The following FAM13A variants were observed in gnomAD, a reference collection of about 807,000 sequenced individuals.
FAM13A encodes the protein family with sequence similarity 13 member A.
A neutral mutation model predicts 129.6 loss-of-function variants in FAM13A; 76 were observed. The ratio of observed to expected loss-of-function variants is 0.59; its 90% confidence interval spans 0.49 to 0.71. The LOEUF is 0.71. Ranked by LOEUF, FAM13A falls within the 30% of genes least tolerant of loss-of-function variation. The pLI is 0.00. For synonymous variants in FAM13A, 443 were observed against 449.9 expected (o/e 0.98, Z 0.20); for missense variants, 1,108 against 1,249.3 (o/e 0.89, Z 1.70).
intron 14 of FAM13A, among the ~76,000 whole-genome samples, chr4:88,753,087 G>C (rs1025719007): frequency 6.6e-6 from 1 of 152,152 alleles, no homozygotes; most frequent in African/African-American, 2.4e-5. Context: ...AGTTTAAAAG[G>C]TGTTACCTTA....
At chr4:88,729,638 C>T (rs892735932) in intron 23 of FAM13A, 2 of 152,242 alleles carry the variant, frequency 1.3e-5, no homozygotes, top group African/African-American at 4.8e-5. Flanking sequence ...CCACTGCACT[C>T]TGAGGGGCTT....
At chr4:88,767,684 G>C in intron 12 of FAM13A, 89 bp from the exon 13 acceptor site, 1 of 1,006,286 alleles carries the variant, frequency 9.9e-7, no homozygotes, top group Non-Finnish European at 1.4e-6. Context: ...TTTAATTTAA[G>C]AGTATGTTGA....
chr4:88,961,242 T>A (rs1208954275), intron 4 of FAM13A, among the ~76,000 whole-genome samples: 1 of 148,060 alleles, frequency 6.8e-6, no homozygotes, highest in African/African-American at 2.5e-5. Flanking sequence ...CATTTAAAAA[T>A]AGAATAAGTT....
chr4:88,782,625 C>T (rs1172051614), intron 10 of FAM13A, among the ~76,000 whole-genome samples: 1 of 152,058 alleles, frequency 6.6e-6, no homozygotes, highest in East Asian at 1.9e-4. Flanking sequence ...CAAAGTTATA[C>T]TATCTTTGGT....
intron 2 of FAM13A, among the ~76,000 whole-genome samples, chr4:89,022,542 G>C (rs949269436): frequency 1.3e-5 from 2 of 152,188 alleles, no homozygotes; most frequent in African/African-American, 2.4e-5. Flanking sequence ...AAATGGAAGA[G>C]ATACCAGTTG....
rs1457614480 is a variant in FAM13A, at chr4:89,057,012, T to C, written c.-48A>G. The stretch of plus-strand genomic sequence containing the variant: ...AACTGAGGAAGACCAGACGAAAATA[T>C]TAAAACGACAGCAAAATACTAAAAT... On this transcript the variant is annotated 5_prime_UTR_variant, in exon 1 of 24. The change abolishes the stop of an existing upstream ORF in the 5' untranslated region. Transcript: ENST00000264344. 2 of 1,608,184 alleles carry C rather than the reference T, an allele frequency of 1.2e-6. No homozygotes were observed. Among genetic ancestry groups the C allele is most frequent in the Non-Finnish European group, 1.7e-6 (2 of 1,178,442 alleles).
intron 23 of FAM13A, chr4:88,730,028 CAG>C (rs1737312147): frequency 6.6e-6 from 1 of 152,122 alleles, no homozygotes; most frequent in African/African-American, 2.4e-5. Flanking sequence ...ATATCCAAAT[CAG>C]AGATCCTAAA....
chr4:88,765,307 G>A (rs938292227), intron 13 of FAM13A, among the ~76,000 whole-genome samples: 1 of 152,146 alleles, frequency 6.6e-6, no homozygotes, highest in Non-Finnish European at 1.5e-5. Context: ...TATCAATAAG[G>A]ATGAAGTCTG....
intron 4 of FAM13A, among the ~76,000 whole-genome samples, chr4:88,962,556 G>C (rs1247921536): frequency 6.6e-6 from 1 of 152,182 alleles, no homozygotes; most frequent in Admixed American, 6.5e-5. Context: ...AGAGTGGTGG[G>C]AGCAATGGGT....
intron 7 of FAM13A, among the ~76,000 whole-genome samples, chr4:88,812,230 T>C (rs1358051662): frequency 2.0e-5 from 3 of 152,188 alleles, no homozygotes; most frequent in Admixed American, 1.3e-4. Flanking sequence ...GACAATCTCT[T>C]ACCTCCATAT....
chr4:88,854,331 G>C (rs1366199628), intron 6 of FAM13A, among the ~76,000 whole-genome samples: 1 of 152,142 alleles, frequency 6.6e-6, no homozygotes. Flanking sequence ...TGCTAGTCAG[G>C]GACTCCAAAT....
At chr4:88,809,864 T>G (rs911808898) in intron 7 of FAM13A, among the ~76,000 whole-genome samples, 56 of 146,762 alleles carry the variant, frequency 3.8e-4, no homozygotes, top group Middle Eastern at 3.6e-3. Context: ...AAAGTCCCGG[T>G]GGGCTTTTTT....
intron 6 of FAM13A, among the ~76,000 whole-genome samples, chr4:88,862,993 G>T (rs895749837): frequency 9.2e-5 from 9 of 98,110 alleles, no homozygotes; most frequent in African/African-American, 3.5e-4. Flanking sequence ...GAAAAGATGG[G>T]TGTGACAAAT....
chr4:89,034,135 T>A (rs916525240), intron 1 of FAM13A, among the ~76,000 whole-genome samples: 3 of 151,980 alleles, frequency 2.0e-5, no homozygotes, highest in Admixed American at 6.6e-5. Context: ...ATCAACAGAG[T>A]AAACAGACAG....
At chr4:88,833,835 G>A (rs1273800704) in intron 7 of FAM13A, among the ~76,000 whole-genome samples, 1 of 152,004 alleles carries the variant, frequency 6.6e-6, no homozygotes, top group African/African-American at 2.4e-5. Context: ...GCAGTGAGCT[G>A]AGATCACGCC....
At position 88,938,102 on chromosome 4, in the gene FAM13A, G is replaced by C. The variant is rs1754133338; in HGVS notation, c.745C>G (p.Leu249Val). The C allele has an allele frequency of 2.5e-6, 4 of 1,612,912 alleles. No homozygotes were observed. In the South Asian group the frequency reaches 4.4e-5, roughly 18 times the overall value. Reference protein sequence around the residue: ...DHLRCENLARLIIVKEVYYKN... With the variant: ...DHLRCENLARVIIVKEVYYKN... ...AAGTTGCTTACTTTTACTATGATAA[G>C]CCTAGCCAGGTTTTCACATCTCAGA... Residue 249 changes from leucine to valine, a missense_variant, in exon 5 of 24, where the codon CTT (leucine) becomes GTT (valine). Around this residue, in one of 3 missense-constraint regions of FAM13A, gnomAD observed 566 missense variants for 595.7 expected, o/e 0.95. Coordinates refer to ENST00000264344, the MANE Select transcript of FAM13A (RefSeq NM_014883.4).
rs750834919 is a variant in FAM13A at position 89,020,497 on chromosome 4, G to A, written c.390C>T (p.Thr130=). The change falls in exon 3 of 24, where the codon ACC becomes ACT. Residue 130 remains threonine (T), a synonymous_variant. Coordinates refer to ENST00000264344, the MANE Select transcript of FAM13A (RefSeq NM_014883.4). ...GAATGAATCGAGGCTGCAACGCTGA[G>A]GTGATCAGACTGTCAGGCAGCTCCC... ...FLRELPDSLI[T]SALQPRFIQL... 1.3e-5 allele frequency: 21 copies of A among 1,613,830 alleles called. No homozygotes were observed. The South Asian group carries it at 2.1e-4, about 16-fold the overall frequency.
intron 1 of FAM13A, among the ~76,000 whole-genome samples, chr4:89,054,166 G>C (rs186195020): frequency 6.6e-6 from 1 of 152,180 alleles, no homozygotes; most frequent in East Asian, 1.9e-4. Flanking sequence ...ATGGCAAAGA[G>C]TTTAAAAAAG....
intron 5 of FAM13A, among the ~76,000 whole-genome samples, chr4:88,934,728 C>G (rs1579356699): frequency 1.3e-5 from 2 of 152,226 alleles, no homozygotes; most frequent in East Asian, 1.9e-4. Context: ...AAAAACAAAA[C>G]TAATGAAAGA....
Sources: gnomAD v4.1 joint callset for allele counts (sites outside exome capture counted in the v4.1 genomes callset) on GRCh38, gnomAD v4.1.1 for gene constraint, gnomAD v4.1.1 regional missense constraint, MANE v1.5 for transcripts, NCBI Gene and HGNC (gene_info 2026-07-23, HGNC 2026-07-21) for gene names.